Variants in S1PR5 observed in about 807,000 individuals in gnomAD.
S1PR5 encodes the protein sphingosine-1-phosphate receptor 5.
For synonymous variants in S1PR5, 307 were observed against 284.7 expected (o/e 1.08, Z -0.79); for missense variants, 583 against 571.7 (o/e 1.02, Z -0.20).
At chr19:10,517,796 G>T, upstream of S1PR5, 1 of 696,512 alleles carries the variant, frequency 1.4e-6, no homozygotes, top group Non-Finnish European at 1.8e-6. Flanking sequence ...GGGTGTCCGG[G>T]CACTGCGCCC....
chr19:10,514,744 C>T lies in S1PR5; in HGVS notation c.268G>A (p.Ala90Thr), dbSNP rs1181012586. The T allele has an allele frequency of 6.2e-7, 1 of 1,611,730 alleles. No homozygotes were observed. The highest frequency in any genetic ancestry group is 8.5e-7 in the Non-Finnish European group (1 of 1,179,428). ...GGCCCCGACAGTAGGATGTTGGCGG[C>T]GTAGGCGGCGCCTGCCAGCAGATCC... ...LSDLLAGAAY[A>T]ANILLSGPLT... is the part of the protein sequence containing the mutation. Residue 90 changes from alanine to threonine, a missense_variant, in exon 2 of 2, where the codon GCC becomes ACC. Physicochemically the swap from Ala to Thr is moderately conservative, Grantham distance 58. Coordinates refer to ENST00000333430, the MANE Select transcript of S1PR5 (RefSeq NM_030760.5).
At position 10,514,844 on chromosome 19, in the gene S1PR5, G is replaced by T; in HGVS notation, c.168C>A (p.Ala56=). ...GGTGGCGTCCGAGCACCAACAACACGGCTAGATTCTCTAGCACGATGAAGG... is the reference window on the plus strand; with the variant it reads ...GGTGGCGTCCGAGCACCAACAACACTGCTAGATTCTCTAGCACGATGAAGG... ...VCAFIVLENL[A]VLLVLGRHPR... is the part of the protein sequence containing the mutation. Residue 56 remains alanine, a synonymous_variant, in exon 2 of 2, where the codon GCC becomes GCA. Coordinates refer to ENST00000333430, the MANE Select transcript of S1PR5 (RefSeq NM_030760.5). 1 of 1,613,034 alleles carries T rather than the reference G, an allele frequency of 6.2e-7. No individual in the cohort carries two copies. The highest frequency in any genetic ancestry group is 8.5e-7 in the Non-Finnish European group (1 of 1,179,706).
intron 1 of S1PR5, among the ~76,000 whole-genome samples, chr19:10,516,488 T>A (rs1915440507): frequency 6.6e-6 from 1 of 150,606 alleles, no homozygotes; most frequent in African/African-American, 2.4e-5. Context: ...GCCCCTATAG[T>A]CCCAGCTACT....
intron 1 of S1PR5, among the ~76,000 whole-genome samples, chr19:10,515,594 C>CA (rs1915419870): frequency 6.6e-6 from 1 of 151,886 alleles, no homozygotes; most frequent in Non-Finnish European, 1.5e-5. Context: ...ACCTAGGTGG[C>CA]AGAGCGAGAC....
intron 1 of S1PR5, among the ~76,000 whole-genome samples, chr19:10,516,446 A>C (rs1915439490): frequency 6.6e-6 from 1 of 151,858 alleles, no homozygotes; most frequent in African/African-American, 2.4e-5. Context: ...TCTCTACAAA[A>C]AAATTTAAAA....
In S1PR5 at chr19:10,514,543, C is replaced by T; in HGVS notation, c.469G>A (p.Ala157Thr). Reference protein sequence around the residue: ...SRGRTLAMAAAAWGVSLLLGL... With the variant: ...SRGRTLAMAATAWGVSLLLGL... The stretch of plus-strand genomic sequence containing the variant: ...AGGAGCAGCGACACGCCCCAGGCCG[C>T]GGCTGCCATCGCCAGCGTGCGCCCC... The change falls in exon 2 of 2, where the codon GCG (alanine) becomes ACG (threonine). Residue 157 changes from alanine to threonine, a missense_variant. Physicochemically the swap from Ala to Thr is moderately conservative, Grantham distance 58. Coordinates refer to ENST00000333430, the MANE Select transcript of S1PR5 (RefSeq NM_030760.5). The T allele has an allele frequency of 2.5e-6, 4 of 1,581,520 alleles. No homozygotes were observed. Among genetic ancestry groups the T allele is most frequent in the Non-Finnish European group, 3.4e-6 (4 of 1,165,268 alleles).
intron 1 of S1PR5, 86 bp downstream of exon 1, chr19:10,517,312 T>G: frequency 1.1e-6 from 1 of 949,576 alleles, no homozygotes; most frequent in Non-Finnish European, 1.3e-6. Context: ...GTGCGCCTTT[T>G]TAGACCGGGA....
chr19:10,514,412 G>A lies in S1PR5; in HGVS notation c.600C>T (p.Ala200=). Residue 200 remains alanine, a synonymous_variant, in exon 2 of 2, where the codon GCC becomes GCT. Transcript: ENST00000333430. ...AGATAGCGGCCAGGATGCCCACGAAGGCGAGCACGCAGAAGAGCACGTAGG... is the reference window on the plus strand; with the variant it reads ...AGATAGCGGCCAGGATGCCCACGAAAGCGAGCACGCAGAAGAGCACGTAGG... ...AKAYVLFCVL[A]FVGILAAICA... 1.2e-6 allele frequency: 2 copies of A among 1,609,324 alleles called. No homozygotes were observed. Among genetic ancestry groups the A allele is most frequent in the Non-Finnish European group, 1.7e-6 (2 of 1,178,314 alleles).
chr19:10,517,740 C>G, upstream of S1PR5: 1 of 978,592 alleles, frequency 1.0e-6, no homozygotes, highest in Non-Finnish European at 1.2e-6. Flanking sequence ...GCAGGGCGGT[C>G]GCAGCCTGAG....
chr19:10,514,962 A>G lies in S1PR5; in HGVS notation c.50T>C (p.Leu17Pro), dbSNP rs1374675956. Residue 17 changes from leucine to proline, a missense_variant, in exon 2 of 2, where the codon CTG becomes CCG. Transcript: ENST00000333430. ...GAGCTTGCCGGTGTAGTTGTAATGC[A>G]GGACGATGACCTCGCTCACCGGCGC... ...RPAPVSEVIV[L>P]HYNYTGKLRG... is the part of the protein sequence containing the mutation. The G allele has an allele frequency of 6.3e-7, 1 of 1,597,510 alleles. No homozygotes were observed. The highest frequency in any genetic ancestry group is 8.5e-7 in the Non-Finnish European group (1 of 1,174,586).
Position 10,514,114 on chromosome 19 carries a change from G to C in S1PR5, c.898C>G (p.Leu300Val). 1 of 1,612,974 alleles carries C rather than the reference G, an allele frequency of 6.2e-7. No individual in the cohort carries two copies. Among genetic ancestry groups the C allele is most frequent in the Non-Finnish European group, 8.5e-7 (1 of 1,179,802 alleles). Residue 300 changes from leucine to valine, a missense_variant, in exon 2 of 2, where the codon CTT becomes GTT. Coordinates refer to ENST00000333430, the MANE Select transcript of S1PR5 (RefSeq NM_030760.5). Reference sequence around the variant, plus strand: ...AGCGTGTAGATGATGGGGTTCAGAAGTGAGTTGGCCATGGCCAGTCCCAGG... The same window carrying C: ...AGCGTGTAGATGATGGGGTTCAGAACTGAGTTGGCCATGGCCAGTCCCAGG... ...PFLGLAMANS[L>V]LNPIIYTLTN...
chr19:10,516,468 G>A (rs1915440012), intron 1 of S1PR5, among the ~76,000 whole-genome samples: 1 of 151,894 alleles, frequency 6.6e-6, no homozygotes, highest in South Asian at 2.1e-4. Flanking sequence ...TTAGCCAGGT[G>A]TGGTGTTATG....
chr19:10,517,545 C>T (rs1441685334), upstream of S1PR5: 1 of 985,446 alleles, frequency 1.0e-6, no homozygotes, highest in Non-Finnish European at 1.2e-6. Flanking sequence ...GCCCCCTCCC[C>T]TTGGGTCCCG....
chr19:10,515,822 C>A (rs745686441), intron 1 of S1PR5, among the ~76,000 whole-genome samples: 3 of 151,936 alleles, frequency 2.0e-5, no homozygotes, highest in Non-Finnish European at 4.4e-5. Flanking sequence ...TCAGTGGAGT[C>A]CCAGCTGAGG....
At position 10,515,047 on chromosome 19, in the gene S1PR5, T is replaced by G. The variant is rs1386816118; in HGVS notation, c.-18-18A>C. 6.6e-7 allele frequency: 1 copy of G among 1,517,714 alleles called. No individual in the cohort carries two copies. The highest frequency in any genetic ancestry group is 2.3e-5 in the East Asian group (1 of 43,876). The allele number at this position is 1,517,714 out of a possible 1,614,324, so 94.0% of individuals were successfully genotyped here. A position where few individuals can be genotyped will look rare whatever the true frequency, so the allele number is the denominator to read the frequency against. ...CCCCAAGGCTGTTGGAGAGGCAAGA[T>G]ACGGTGTCAGGCCGCGGTCCCCGTA... On this transcript the variant is annotated intron_variant, in intron 1 of 1. Coordinates refer to ENST00000333430, the MANE Select transcript of S1PR5 (RefSeq NM_030760.5).
chr19:10,516,651 T>C (rs1043232285), intron 1 of S1PR5, among the ~76,000 whole-genome samples: 2 of 150,842 alleles, frequency 1.3e-5, no homozygotes, highest in Admixed American at 1.3e-4. Flanking sequence ...TCACTCATTT[T>C]ACTAAGGCAG....
chr19:10,515,781 C>A (rs573334797), intron 1 of S1PR5, among the ~76,000 whole-genome samples: 2 of 151,986 alleles, frequency 1.3e-5, no homozygotes, highest in African/African-American at 4.8e-5. Context: ...TTAGCCGGGA[C>A]GTGTTGGTGT....
rs758898450 is a variant in S1PR5 at position 10,514,394 on chromosome 19, G to A, written c.618C>T (p.Ala206=). 3.1e-6 allele frequency: 5 copies of A among 1,605,900 alleles called. No individual in the cohort carries two copies. The highest frequency in any genetic ancestry group is 4.2e-6 in the Non-Finnish European group (5 of 1,176,984). Residue 206 remains alanine (A), a synonymous_variant, in exon 2 of 2, where the codon GCC becomes GCT. Coordinates refer to ENST00000333430, the MANE Select transcript of S1PR5 (RefSeq NM_030760.5). The part of the protein sequence containing the change: ...FCVLAFVGIL[A]AICALYARIY... ...TGCGCGCGTAGAGTGCACAGATAGC[G>A]GCCAGGATGCCCACGAAGGCGAGCA...
At chr19:10,515,823 C>T (rs570275585) in intron 1 of S1PR5, among the ~76,000 whole-genome samples, 1 of 152,034 alleles carries the variant, frequency 6.6e-6, no homozygotes, top group African/African-American at 2.4e-5. Flanking sequence ...CAGTGGAGTC[C>T]CAGCTGAGGT....
Sources: gnomAD v4.1 joint callset for allele counts (sites outside exome capture counted in the v4.1 genomes callset) on GRCh38, gnomAD v4.1.1 for gene constraint, MANE v1.5 for transcripts, NCBI Gene and HGNC (gene_info 2026-07-23, HGNC 2026-07-21) for gene names.